The following NXPE1 variants were observed in gnomAD, a reference collection of about 807,000 sequenced individuals.
The protein encoded by NXPE1 is NXPE family member 1.
NXPE1 carries 31 observed loss-of-function variants against 33.3 expected under a neutral mutation model. That is an observed-to-expected ratio of 0.93 (90% CI 0.70 to 1.26). The LOEUF is 1.26. Among genes scored for constraint, NXPE1 ranks in the 50% most tolerant of loss-of-function variants. The probability of loss-of-function intolerance (pLI) is 0.00; values close to 1 mark genes in which losing one functional copy is unlikely to be tolerated. For missense variants in NXPE1, 661 were observed against 655.6 expected, an observed-to-expected ratio of 1.01 and a Z score of -0.09; for synonymous variants, 229 against 231.4, an observed-to-expected ratio of 0.99 and a Z score of 0.09.
intron 8 of NXPE1, 98 bp downstream of exon 8, chr11:114,522,781 G>A (rs1947254199): frequency 2.3e-6 from 2 of 866,044 alleles, no homozygotes; most frequent in Middle Eastern, 2.9e-4. Context: ...GCCAAATGAA[G>A]TAAAAAACAA....
chr11:114,529,910 C>A (rs1212772324), intron 6 of NXPE1: 1 of 418,796 alleles, frequency 2.4e-6, no homozygotes, highest in Non-Finnish European at 4.2e-6. Context: ...TTATCATACA[C>A]TTATCAAGGA....
intron 5 of NXPE1, among the ~76,000 whole-genome samples, chr11:114,544,470 T>G (rs1591292780): frequency 6.6e-6 from 1 of 152,186 alleles, no homozygotes; most frequent in Admixed American, 6.5e-5. Context: ...AAAGGCAATT[T>G]GATGGAAAAA....
chr11:114,533,571 C>T (rs187152998), intron 5 of NXPE1, among the ~76,000 whole-genome samples: 248 of 152,298 alleles, frequency 1.6e-3, no homozygotes, highest in Non-Finnish European at 2.8e-3. Context: ...CCTGGAAAAT[C>T]GGGTCACTCC....
In NXPE1 at chr11:114,524,660, A is replaced by G. The variant is rs550676353; in HGVS notation, c.896-1569T>C. Reference sequence around the variant, plus strand: ...AACTTGAGATTCATAGTTATTAAGTATTCTTTATCCTAATAATGTACTGGC... The same window carrying G: ...AACTTGAGATTCATAGTTATTAAGTGTTCTTTATCCTAATAATGTACTGGC... On this transcript the variant is annotated intron_variant, in intron 7 of 8. Transcript: ENST00000534921. 1.1e-3 allele frequency among the ~76,000 whole-genome samples: 161 copies of G among 152,292 alleles called. 3 individuals are homozygous for G. The South Asian group carries it at 0.023, about 22-fold the overall frequency.
chr11:114,551,823 C>T (rs148621333), intron 3 of NXPE1, among the ~76,000 whole-genome samples, 151 bp downstream of exon 3: 1 of 152,092 alleles, frequency 6.6e-6, no homozygotes, highest in Non-Finnish European at 1.5e-5. Flanking sequence ...TAGAAAGAGA[C>T]AATGAGGGAG....
At chr11:114,519,655 G>T (rs757824340), downstream of NXPE1, among the ~76,000 whole-genome samples, 18 of 152,134 alleles carry the variant, frequency 1.2e-4, no homozygotes, top group Non-Finnish European at 2.2e-4. Context: ...GGGGCAGGAG[G>T]GCATTCTAGT....
chr11:114,527,785 A>T (rs748807076), intron 7 of NXPE1, 55 bp downstream of exon 7: 1 of 1,220,342 alleles, frequency 8.2e-7, no homozygotes, highest in Non-Finnish European at 1.2e-6. Flanking sequence ...ATTTAGGTTA[A>T]TGCTGATAAA....
chr11:114,536,135 A>G (rs1442123831), intron 5 of NXPE1, among the ~76,000 whole-genome samples: 1 of 152,130 alleles, frequency 6.6e-6, no homozygotes, highest in Non-Finnish European at 1.5e-5. Context: ...AACTCACTCA[A>G]AACCCCTCAA....
At chr11:114,522,165 T>C in exon 9 of NXPE1, 2 of 1,614,044 alleles carry the variant, frequency 1.2e-6, no homozygotes, top group Non-Finnish European at 1.7e-6. Context: ...TCTATGTGCA[T>C]CTCCCTGATG....
intron 2 of NXPE1, 149 bp from the exon 3 acceptor site, chr11:114,552,234 T>C (rs373017516): frequency 6.6e-6 from 1 of 152,136 alleles, no homozygotes. Flanking sequence ...ATCTATGACT[T>C]CCCAATTACT....
chr11:114,532,736 T>C (rs1347352666), intron 5 of NXPE1, among the ~76,000 whole-genome samples: 2 of 152,234 alleles, frequency 1.3e-5, no homozygotes, highest in East Asian at 3.8e-4. Flanking sequence ...TATATGCATA[T>C]ACATATAAAA....
chr11:114,545,744 A>G (rs2135077955), intron 5 of NXPE1, among the ~76,000 whole-genome samples: 1 of 149,470 alleles, frequency 6.7e-6, no homozygotes, highest in African/African-American at 2.5e-5. Flanking sequence ...GCTGGAGTGC[A>G]GTGGCGTGAA....
At chr11:114,523,148 T>C in intron 7 of NXPE1, 57 bp from the exon 8 acceptor site, 1 of 1,199,586 alleles carries the variant, frequency 8.3e-7, no homozygotes, top group Non-Finnish European at 1.2e-6. Flanking sequence ...CATCTAGCCT[T>C]CTTTCCTGGT....
At position 114,534,289 on chromosome 11, in the gene NXPE1, A is replaced by C. The variant is rs544452275; in HGVS notation, c.100-3381T>G. Among the ~76,000 whole-genome samples the C allele has an allele frequency of 2.6e-5, 4 of 152,270 alleles. No homozygotes were observed. The East Asian group carries it at 5.8e-4, about 22-fold the overall frequency. On this transcript the variant is annotated intron_variant, in intron 5 of 8. Coordinates refer to ENST00000534921, the Ensembl canonical transcript of NXPE1. Reference sequence around the variant, plus strand: ...CCACACCCAAAACCCATCTGTACATAACCATCATCAAAGACCAAAGGTAGA... The same window carrying C: ...CCACACCCAAAACCCATCTGTACATCACCATCATCAAAGACCAAAGGTAGA...
chr11:114,521,467 G>C (rs960814701), downstream of NXPE1, among the ~76,000 whole-genome samples: 1 of 152,164 alleles, frequency 6.6e-6, no homozygotes, highest in Non-Finnish European at 1.5e-5. Context: ...GGCATAACAA[G>C]ATGTCCAGGC....
exon 9 of NXPE1, chr11:114,522,032 G>C (rs758406485): frequency 5.0e-6 from 8 of 1,613,740 alleles, no homozygotes; most frequent in Non-Finnish European, 6.8e-6. Flanking sequence ...TGGGTGGATA[G>C]TGTCAGTGCC....
intron 5 of NXPE1, among the ~76,000 whole-genome samples, chr11:114,536,164 A>G (rs980357627): frequency 3.9e-5 from 6 of 152,322 alleles, no homozygotes; most frequent in Non-Finnish European, 7.3e-5. Context: ...AAACTGAACA[A>G]CCTGCTTCTG....
intron 5 of NXPE1, among the ~76,000 whole-genome samples, chr11:114,540,887 G>GC (rs1948075445): frequency 2.3e-5 from 1 of 43,028 alleles, no homozygotes; most frequent in African/African-American, 7.1e-5. Context: ...TTTTTTTTTG[G>GC]CTTGAACAAC....
intron 1 of NXPE1, among the ~76,000 whole-genome samples, chr11:114,556,196 T>A (rs1163278142): frequency 6.6e-6 from 1 of 152,212 alleles, no homozygotes; most frequent in Non-Finnish European, 1.5e-5. Flanking sequence ...TCAGTTTGAA[T>A]TTATGGAGAG....
Sources: gnomAD v4.1 joint callset for allele counts (sites outside exome capture counted in the v4.1 genomes callset) on GRCh38, gnomAD v4.1.1 for gene constraint, MANE v1.5 for transcripts, NCBI Gene and HGNC (gene_info 2026-07-23, HGNC 2026-07-21) for gene names.